Variants in SMAD6 observed in about 807,000 individuals in gnomAD.
The protein encoded by SMAD6 is SMAD family member 6.
SMAD6 carries 103 observed loss-of-function variants against 39.4 expected under a neutral mutation model. The ratio of observed to expected loss-of-function variants is 2.62; its 90% CI spans 2.23 to 3.08. SMAD6 has a LOEUF of 3.08. Among genes scored for constraint, SMAD6 ranks in the 30% most tolerant of loss-of-function variants. The pLI is 0.00. For synonymous variants in SMAD6, 445 were observed against 353.3 expected, an observed-to-expected ratio of 1.26 and a Z score of -2.91; for missense variants, 1,104 against 742.9, an observed-to-expected ratio of 1.49 and a Z score of -5.65.
intron 2 of SMAD6, among the ~76,000 whole-genome samples, chr15:66,714,010 C>T (rs1238539753): frequency 3.3e-5 from 5 of 152,230 alleles, no homozygotes; most frequent in Middle Eastern, 3.2e-3. Flanking sequence ...GGCTCACTGT[C>T]CTTCCCTCGG....
In SMAD6 at chr15:66,710,024, C is replaced by T. The variant is rs546354742; in HGVS notation, c.818-1644C>T. ...TGTGCAGGTGGTGTCCCAGACCCAG[C>T]GGGGATGAAGGGGTGTAAGACAGGG... On this transcript the variant is annotated intron_variant, in intron 1 of 3. Coordinates refer to ENST00000288840, the MANE Select transcript of SMAD6 (RefSeq NM_005585.5). 2.5e-4 allele frequency among the ~76,000 whole-genome samples: 38 copies of T among 152,306 alleles called. 1 individual carries two copies. Among genetic ancestry groups the T allele is most frequent in the African/African-American group, 7.0e-4 (29 of 41,562 alleles).
chr15:66,770,995 G>T (rs1229487199), intron 3 of SMAD6, among the ~76,000 whole-genome samples: 2 of 152,244 alleles, frequency 1.3e-5, no homozygotes, highest in African/African-American at 4.8e-5. Context: ...CCTGCGGAGA[G>T]TGTAGTGAAG....
In SMAD6 at chr15:66,703,252, A is replaced by T; in HGVS notation, c.-7A>T. The T allele has an allele frequency of 7.0e-7, 1 of 1,429,828 alleles. No individual in the cohort carries two copies. The highest frequency in any genetic ancestry group is 1.5e-5 in the South Asian group (1 of 68,240). The allele number at this position is 1,429,828 out of a possible 1,614,324, so 88.6% of individuals were successfully genotyped here. The stretch of plus-strand genomic sequence containing the variant: ...TCCCCCCCACCCCTGGCGCCAAAGG[A>T]TATCGTATGTTCAGGTCCAAACGCT... On this transcript the variant is annotated 5_prime_UTR_variant, in exon 1 of 4. Coordinates refer to ENST00000288840, the MANE Select transcript of SMAD6 (RefSeq NM_005585.5).
chr15:66,727,090 T>C (rs1292100336), intron 3 of SMAD6, among the ~76,000 whole-genome samples: 3 of 136,604 alleles, frequency 2.2e-5, no homozygotes, highest in Non-Finnish European at 4.6e-5. Context: ...CTGGCTCTTT[T>C]TTCTTCTTCT....
chr15:66,780,492 G>T (rs907427772), intron 3 of SMAD6, among the ~76,000 whole-genome samples: 3 of 152,140 alleles, frequency 2.0e-5, no homozygotes, highest in Admixed American at 6.5e-5. Flanking sequence ...AAATTCTGGC[G>T]GGGTGCCCTC....
intron 3 of SMAD6, among the ~76,000 whole-genome samples, chr15:66,743,961 A>T (rs1007138215): frequency 1.1e-4 from 16 of 150,848 alleles, no homozygotes; most frequent in African/African-American, 2.0e-4. Flanking sequence ...TTTTTTTTTT[A>T]AAAGAAACTA....
At chr15:66,744,225 C>T (rs929650175) in intron 3 of SMAD6, among the ~76,000 whole-genome samples, 4 of 152,200 alleles carry the variant, frequency 2.6e-5, no homozygotes, top group South Asian at 2.1e-4. Flanking sequence ...ACAAAAACCG[C>T]GGCTCTGGGA....
intron 1 of SMAD6, chr15:66,707,250 A>G (rs1230953549): frequency 6.6e-6 from 1 of 151,898 alleles, no homozygotes; most frequent in Admixed American, 6.6e-5. Flanking sequence ...TAACTTCGGA[A>G]TAAATCTCCT....
intron 3 of SMAD6, among the ~76,000 whole-genome samples, chr15:66,777,597 T>C (rs1013905623): frequency 6.6e-6 from 1 of 152,134 alleles, no homozygotes; most frequent in Admixed American, 6.5e-5. Flanking sequence ...AGCCCTGGGA[T>C]AGATGGAGAC....
intron 2 of SMAD6, among the ~76,000 whole-genome samples, chr15:66,714,957 G>A (rs1278631059): frequency 6.6e-6 from 1 of 151,788 alleles, no homozygotes; most frequent in Non-Finnish European, 1.5e-5. Context: ...CAGGGCTCTG[G>A]GCACTGAGCA....
At chr15:66,749,958 C>T (rs989023293) in intron 3 of SMAD6, among the ~76,000 whole-genome samples, 3 of 152,098 alleles carry the variant, frequency 2.0e-5, no homozygotes, top group Admixed American at 6.6e-5. Context: ...GTCCTCAGCA[C>T]GTTTTCCAGC....
chr15:66,768,776 G>A (rs1009820516), intron 3 of SMAD6, among the ~76,000 whole-genome samples: 5 of 152,178 alleles, frequency 3.3e-5, no homozygotes, highest in African/African-American at 9.7e-5. Flanking sequence ...GGAGGCAGAT[G>A]ACTTTTCAAA....
At chr15:66,752,368 G>T (rs1358872378) in intron 3 of SMAD6, among the ~76,000 whole-genome samples, 1 of 152,218 alleles carries the variant, frequency 6.6e-6, no homozygotes, top group Non-Finnish European at 1.5e-5. Flanking sequence ...TTGGCTCTCT[G>T]TGTAACTTTG....
intron 3 of SMAD6, among the ~76,000 whole-genome samples, chr15:66,743,913 A>T (rs374059070): frequency 6.6e-6 from 1 of 151,970 alleles, no homozygotes; most frequent in Non-Finnish European, 1.5e-5. Context: ...TACTTAACCA[A>T]TCCCCCAGGG....
chr15:66,703,341 G>T lies in SMAD6; in HGVS notation c.83G>T (p.Gly28Val), dbSNP rs1054558375. ...CCCGACCGGGAGGAAGGCGGCAGCG[G>T]CGGCGGCGGTGGCGGCGACGAGGAT... ...VVPDREEGGS[G>V]GGGGGDEDGS... Residue 28 changes from glycine (G) to valine (V), a missense_variant, in exon 1 of 4, where the codon GGC becomes GTC. By Grantham distance (109) the Gly-to-Val change is moderately radical. Coordinates refer to ENST00000288840, the MANE Select transcript of SMAD6 (RefSeq NM_005585.5). The T allele has an allele frequency of 6.7e-7, 1 of 1,485,526 alleles. No homozygotes were observed. The highest frequency in any genetic ancestry group is 2.2e-4 in the Middle Eastern group (1 of 4,462). The allele number at this position is 1,485,526 out of a possible 1,614,324, so 92.0% of individuals were successfully genotyped here. A position where few individuals can be genotyped will look rare whatever the true frequency, so the allele number is the denominator to read the frequency against.
rs1365631813 is a variant in SMAD6, at chr15:66,752,051, T to C, written c.953-28946T>C. ...TCATTTAATGGCACCTTTTTTTTTT[T>C]TTTTTTTTCAGGCAGTTAATAATCC... On this transcript the variant is annotated intron_variant, in intron 3 of 3. Coordinates refer to ENST00000288840, the MANE Select transcript of SMAD6 (RefSeq NM_005585.5). Among the ~76,000 whole-genome samples, 4 of 151,952 alleles carry C rather than the reference T, an allele frequency of 2.6e-5. No individual in the cohort carries two copies. The East Asian group carries it at 7.7e-4, about 29-fold the overall frequency.
intron 3 of SMAD6, among the ~76,000 whole-genome samples, chr15:66,750,318 C>G (rs1893981202): frequency 6.6e-6 from 1 of 152,210 alleles, no homozygotes; most frequent in Non-Finnish European, 1.5e-5. Flanking sequence ...CCGAGTTAGA[C>G]TGGGGGTGCC....
chr15:66,704,662 C>T (rs1309330450), intron 1 of SMAD6: 1 of 152,216 alleles, frequency 6.6e-6, no homozygotes, highest in Non-Finnish European at 1.5e-5. Flanking sequence ...CTCTTTATTC[C>T]CCACATAATA....
At chr15:66,723,839 A>G (rs1001822154) in intron 3 of SMAD6, among the ~76,000 whole-genome samples, 13 of 152,190 alleles carry the variant, frequency 8.5e-5, no homozygotes, top group African/African-American at 3.1e-4. Context: ...CAGCAAACAG[A>G]CAGTGGTGAC....
Sources: gnomAD v4.1 joint callset for allele counts (sites outside exome capture counted in the v4.1 genomes callset) on GRCh38, gnomAD v4.1.1 for gene constraint, MANE v1.5 for transcripts, NCBI Gene and HGNC (gene_info 2026-07-23, HGNC 2026-07-21) for gene names.